The following PTPN22 variants were observed in gnomAD, a reference collection of about 807,000 sequenced individuals.
The protein encoded by PTPN22 is protein tyrosine phosphatase non-receptor type 22, also known as tyrosine-protein phosphatase non-receptor type 22.
In PTPN22, 85 loss-of-function variants were observed where a neutral mutation model predicts 103.3. The observed-to-expected ratio is 0.82, with a 90% CI of 0.69 to 0.99. PTPN22 has a LOEUF of 0.99. Ranked by LOEUF, PTPN22 falls within the 50% of genes least tolerant of loss-of-function variation. The pLI, the probability that PTPN22 is intolerant of heterozygous loss-of-function variation, is 0.00. For missense variants in PTPN22, 865 were observed against 936.9 expected (o/e 0.92, Z 1.00); for synonymous variants, 323 against 310.2 (o/e 1.04, Z -0.43).
chr1:113,837,710 A>G (rs774657118), exon 13 of PTPN22: 35 of 1,609,136 alleles, frequency 2.2e-5, no homozygotes, highest in Non-Finnish European at 2.9e-5. Flanking sequence ...AACAGAGAAG[A>G]AGGAAAAACA....
intron 1 of PTPN22, among the ~76,000 whole-genome samples, chr1:113,862,434 T>C (rs910600998): frequency 2.0e-5 from 3 of 152,196 alleles, no homozygotes; most frequent in African/African-American, 7.2e-5. Context: ...TTGTAGATGA[T>C]ACTACCCCTT....
At chr1:113,835,061 CTAATATT>C in intron 13 of PTPN22, 68 bp from the exon 14 acceptor site, 1 of 819,082 alleles carries the variant, frequency 1.2e-6, no homozygotes, top group East Asian at 3.3e-5. Flanking sequence ...TTCTTATATT[CTAATATT>C]AAATATAAAT....
intron 20 of PTPN22, chr1:113,815,566 G>A (rs1488030612): frequency 6.6e-5 from 10 of 152,238 alleles, no homozygotes; most frequent in Admixed American, 6.5e-4. Context: ...CACAACTAAT[G>A]AAGGCTATTT....
At chr1:113,854,197 A>G (rs542728820) in intron 9 of PTPN22, among the ~76,000 whole-genome samples, 1 of 152,206 alleles carries the variant, frequency 6.6e-6, no homozygotes, top group South Asian at 2.1e-4. Flanking sequence ...TCAAAACCGA[A>G]AAGAGGTGAA....
chr1:113,837,989 A>G, exon 13 of PTPN22: 5 of 1,614,124 alleles, frequency 3.1e-6, no homozygotes, highest in Non-Finnish European at 4.2e-6. Context: ...GATTCCAAAT[A>G]AGAAAAGTTT....
chr1:113,856,660 T>C (rs1227338244), intron 5 of PTPN22, 41 bp from the exon 6 acceptor site: 1 of 1,613,324 alleles, frequency 6.2e-7, no homozygotes, highest in African/African-American at 1.3e-5. Flanking sequence ...CCTCCATATA[T>C]TCTAGTCTTT....
intron 19 of PTPN22, 64 bp downstream of exon 19, chr1:113,825,078 G>T: frequency 2.6e-6 from 3 of 1,137,850 alleles, no homozygotes; most frequent in South Asian, 2.9e-5. Context: ...AATATTGGTT[G>T]GTTATATAAA....
At chr1:113,839,938 A>G (rs1023381444) in intron 11 of PTPN22, among the ~76,000 whole-genome samples, 3 of 152,074 alleles carry the variant, frequency 2.0e-5, no homozygotes, top group African/African-American at 4.8e-5. Flanking sequence ...AAGGCTGCGC[A>G]CAGTGGCTCA....
At chr1:113,861,742 G>T (rs1027835988) in intron 1 of PTPN22, among the ~76,000 whole-genome samples, 2 of 151,958 alleles carry the variant, frequency 1.3e-5, no homozygotes, top group African/African-American at 2.4e-5. Context: ...TCCCAAGAAA[G>T]AACAAATTAG....
chr1:113,827,472 A>T (rs1662186237), intron 18 of PTPN22, among the ~76,000 whole-genome samples: 1 of 152,138 alleles, frequency 6.6e-6, no homozygotes, highest in Non-Finnish European at 1.5e-5. Flanking sequence ...AATAAATTAT[A>T]TATAAATATA....
At chr1:113,821,417 G>C (rs569087867) in intron 19 of PTPN22, among the ~76,000 whole-genome samples, 3 of 152,108 alleles carry the variant, frequency 2.0e-5, no homozygotes, top group Non-Finnish European at 4.4e-5. Flanking sequence ...CGCCTCCCAG[G>C]TTCAAGCGAT....
chr1:113,833,177 T>C (rs771711350), intron 15 of PTPN22, 39 bp from the exon 16 acceptor site: 1 of 1,481,286 alleles, frequency 6.8e-7, no homozygotes, highest in South Asian at 1.2e-5. Context: ...AAGAAGAATA[T>C]GTATACAAAT....
At chr1:113,828,439 T>C (rs1426617592) in intron 18 of PTPN22, among the ~76,000 whole-genome samples, 3 of 152,186 alleles carry the variant, frequency 2.0e-5, no homozygotes, top group Admixed American at 2.0e-4. Flanking sequence ...TATCCTAGTA[T>C]AGATGTAAGG....
intron 7 of PTPN22, among the ~76,000 whole-genome samples, chr1:113,855,814 C>A (rs1358672377): frequency 6.6e-6 from 1 of 152,202 alleles, no homozygotes; most frequent in Non-Finnish European, 1.5e-5. Flanking sequence ...TGGTATGCCT[C>A]CAATGTGTCA....
chr1:113,833,126 G>T (rs781638324), exon 16 of PTPN22: 2 of 1,564,496 alleles, frequency 1.3e-6, no homozygotes, highest in Admixed American at 1.7e-5. Context: ...TTAGGACTTC[G>T]GAGTTTTACA....
chr1:113,834,291 C>T lies in PTPN22; in HGVS notation c.2025+18G>A, dbSNP rs780249835. ...TCTATTGAATCTAAATGAGTAGAGT[C>T]ATTAAAAAATTATTGACCTTGCTTG... On this transcript the variant is annotated intron_variant, in intron 15 of 20. Transcript: ENST00000359785. The T allele has an allele frequency of 1.9e-5, 30 of 1,610,968 alleles. No homozygotes were observed. In the Admixed American group the frequency reaches 5.0e-4, roughly 27 times the overall value.
At chr1:113,835,055 T>C (rs1472011508) in intron 13 of PTPN22, 62 bp from the exon 14 acceptor site, 1 of 843,108 alleles carries the variant, frequency 1.2e-6, no homozygotes, top group Non-Finnish European at 1.7e-6. Flanking sequence ...AGGAAATTCT[T>C]ATATTCTAAT....
chr1:113,869,371 AG>A (rs986080323), intron 1 of PTPN22, among the ~76,000 whole-genome samples: 1 of 149,910 alleles, frequency 6.7e-6, no homozygotes, highest in Non-Finnish European at 1.5e-5. Flanking sequence ...AGCTGAGAAA[AG>A]GTAAAATATT....
chr1:113,849,034 G>A (rs1003620351), intron 10 of PTPN22, among the ~76,000 whole-genome samples: 1 of 151,860 alleles, frequency 6.6e-6, no homozygotes, highest in African/African-American at 2.4e-5. Context: ...AAAAGAGATA[G>A]TGGTTGGTAT....
Sources: gnomAD v4.1 joint callset for allele counts (sites outside exome capture counted in the v4.1 genomes callset) on GRCh38, gnomAD v4.1.1 for gene constraint, MANE v1.5 for transcripts, NCBI Gene and HGNC (gene_info 2026-07-23, HGNC 2026-07-21) for gene names.